MINDY4: variants seen among roughly 807,000 people sequenced by gnomAD.
The protein encoded by MINDY4 is probable ubiquitin carboxyl-terminal hydrolase MINDY-4.
In MINDY4, 68 loss-of-function variants were observed where a neutral mutation model predicts 87.0. That is an observed-to-expected ratio of 0.78 (90% confidence interval 0.64 to 0.96). The LOEUF (loss-of-function observed/expected upper bound fraction) is 0.96. Among genes scored for constraint, MINDY4 ranks in the 40% least tolerant of loss-of-function variants. MINDY4 has a pLI of 0.00. For synonymous variants in MINDY4, 379 were observed against 363.2 expected, an observed-to-expected ratio of 1.04 and a Z score of -0.50; for missense variants, 919 against 928.2, an observed-to-expected ratio of 0.99 and a Z score of 0.13.
intron 5 of MINDY4, among the ~76,000 whole-genome samples, chr7:30,808,323 C>T (rs112580881): frequency 0.038 from 5,837 of 152,176 alleles, 148 homozygotes; most frequent in Middle Eastern, 0.099. Flanking sequence ...ATACCTATAC[C>T]GGCACTTTGG....
intron 13 of MINDY4, among the ~76,000 whole-genome samples, chr7:30,870,989 C>T (rs1345041155): frequency 6.6e-6 from 1 of 151,698 alleles, no homozygotes; most frequent in Non-Finnish European, 1.5e-5. Context: ...TAATGTGTGC[C>T]CCCCAGGGTC....
intron 5 of MINDY4, among the ~76,000 whole-genome samples, chr7:30,799,722 G>T (rs1787592234): frequency 6.6e-6 from 1 of 152,232 alleles, no homozygotes; most frequent in Non-Finnish European, 1.5e-5. Context: ...AGCTTTTTAG[G>T]TGATGTCATG....
At position 30,867,272 on chromosome 7, in the gene MINDY4, T is replaced by A. The variant is rs146095391; in HGVS notation, c.1746-4971T>A. ...CAGATATTCACAGCTCCATTTCAAC[T>A]GCTCGGAGGTCTCGGTTTAATCTGG... On this transcript the variant is annotated intron_variant, in intron 13 of 17. Transcript: ENST00000265299. Among the ~76,000 whole-genome samples, 198 of 152,360 alleles carry A rather than the reference T, an allele frequency of 1.3e-3. 2 individuals carry two copies. Among genetic ancestry groups the A allele is most frequent in the African/African-American group, 4.7e-3 (194 of 41,584 alleles).
At chr7:30,881,748 A>C (rs533163338) in intron 15 of MINDY4, among the ~76,000 whole-genome samples, 2 of 152,310 alleles carry the variant, frequency 1.3e-5, no homozygotes, top group South Asian at 4.1e-4. Context: ...AACGGTAAGC[A>C]AGCTCTAGGC....
intron 5 of MINDY4, among the ~76,000 whole-genome samples, chr7:30,816,291 C>T (rs919075938): frequency 6.9e-6 from 1 of 144,842 alleles, no homozygotes; most frequent in African/African-American, 2.7e-5. Flanking sequence ...ACTTCTGAGT[C>T]TGAGACTGTG....
Position 30,872,223 on chromosome 7 carries a change from A to G in MINDY4, c.1746-20A>G, listed in dbSNP as rs754806093. 3.7e-6 allele frequency: 6 copies of G among 1,613,706 alleles called. No homozygotes were observed. The highest frequency in any genetic ancestry group is 1.1e-5 in the South Asian group (1 of 90,992). On this transcript the variant is annotated intron_variant, in intron 13 of 17. Transcript: ENST00000265299. ...TGGGTCAGGCAGAGCTGTGCTAACA[A>G]TGCTTCTTGTGTTTTCCAGCATCCG... is the stretch of plus-strand genomic sequence containing the variant.
intron 14 of MINDY4, 139 bp downstream of exon 14, chr7:30,872,445 C>T (rs775491270): frequency 9.2e-5 from 67 of 729,162 alleles, no homozygotes; most frequent in Admixed American, 1.2e-4. Flanking sequence ...GCAGCTTTCA[C>T]GTGCCCACCT....
intron 17 of MINDY4, 27 bp from the exon 18 acceptor site, chr7:30,891,926 CTCTT>C: frequency 6.2e-7 from 1 of 1,613,154 alleles, no homozygotes; most frequent in Non-Finnish European, 8.5e-7. Flanking sequence ...AGCTTGATCT[CTCTT>C]TGTCTCTCTC....
At chr7:30,882,102 T>C in intron 15 of MINDY4, 79 bp from the exon 16 acceptor site, 1 of 1,402,426 alleles carries the variant, frequency 7.1e-7, no homozygotes. Context: ...AGGTCAGCCC[T>C]GCCTTGAGTC....
At chr7:30,877,961 T>TGAGC (rs1304692057) in intron 15 of MINDY4, among the ~76,000 whole-genome samples, 1 of 149,904 alleles carries the variant, frequency 6.7e-6, no homozygotes, top group Non-Finnish European at 1.5e-5. Flanking sequence ...GTTACAGGTG[T>TGAGC]GAGCCACTGC....
At chr7:30,772,412 C>G (rs758422481) in intron 1 of MINDY4, among the ~76,000 whole-genome samples, 1 of 152,190 alleles carries the variant, frequency 6.6e-6, no homozygotes, top group Non-Finnish European at 1.5e-5. Context: ...TACTAGTTTG[C>G]AGTGTGAACC....
intron 9 of MINDY4, among the ~76,000 whole-genome samples, chr7:30,849,407 A>C (rs1789326478): frequency 6.6e-6 from 1 of 152,192 alleles, no homozygotes; most frequent in South Asian, 2.1e-4. Context: ...AGAAGCCTAG[A>C]AGTACACCTC....
rs115906839 is a variant in MINDY4 at position 30,852,171 on chromosome 7, C to T, written c.1548-45C>T. On this transcript the variant is annotated intron_variant, in intron 10 of 17. Transcript: ENST00000265299. Reference sequence around the variant, plus strand: ...GTTTCGCCCCGGCTGGAGGGCACGCCTTCTCTCCACTCAGAGGACTCATGC... The same window carrying T: ...GTTTCGCCCCGGCTGGAGGGCACGCTTTCTCTCCACTCAGAGGACTCATGC... The T allele has an allele frequency of 5.9e-4, 945 of 1,611,754 alleles. 2 individuals are homozygous for T. In the African/African-American group the frequency reaches 0.011, roughly 19 times the overall value.
chr7:30,881,592 C>A (rs746734933), intron 15 of MINDY4, among the ~76,000 whole-genome samples: 3 of 152,196 alleles, frequency 2.0e-5, no homozygotes, highest in Non-Finnish European at 2.9e-5. Context: ...ACCCCGGGCT[C>A]CTGGAACTTA....
intron 5 of MINDY4, among the ~76,000 whole-genome samples, chr7:30,800,927 C>T (rs1787629575): frequency 1.3e-5 from 2 of 152,222 alleles, no homozygotes; most frequent in Admixed American, 1.3e-4. Context: ...CCAACCCCAG[C>T]GATTTAGTCT....
At chr7:30,808,281 T>C (rs564152180) in intron 5 of MINDY4, among the ~76,000 whole-genome samples, 59 of 152,300 alleles carry the variant, frequency 3.9e-4, no homozygotes, top group African/African-American at 1.4e-3. Flanking sequence ...CCCACTCCAT[T>C]TGAGTGGAAG....
At chr7:30,817,424 A>G (rs1310501829) in intron 5 of MINDY4, among the ~76,000 whole-genome samples, 1 of 81,886 alleles carries the variant, frequency 1.2e-5, no homozygotes, top group East Asian at 3.8e-4. Context: ...TAGTCTTTTT[A>G]TATCAACTTG....
At chr7:30,802,970 A>G (rs747046823) in intron 5 of MINDY4, 1 of 152,024 alleles carries the variant, frequency 6.6e-6, no homozygotes, top group Non-Finnish European at 1.5e-5. Flanking sequence ...AACCTAACCA[A>G]CCCGGCCAAC....
In MINDY4 at chr7:30,771,453, G is replaced by T. The variant is rs779967870; in HGVS notation, c.-41G>T. ...GACAGACCCAGTTGCCTGGTGCTGCGGCCCGGCGTGGGCCTCGTGGGCAGA... is the reference window on the plus strand; with the variant it reads ...GACAGACCCAGTTGCCTGGTGCTGCTGCCCGGCGTGGGCCTCGTGGGCAGA... On this transcript the variant is annotated 5_prime_UTR_variant, in exon 1 of 18. Transcript: ENST00000265299. 7 of 1,583,876 alleles carry T rather than the reference G, an allele frequency of 4.4e-6. No homozygotes were observed. The highest frequency in any genetic ancestry group is 1.8e-5 in the Admixed American group (1 of 54,276).
Sources: gnomAD v4.1 joint callset for allele counts (sites outside exome capture counted in the v4.1 genomes callset) on GRCh38, gnomAD v4.1.1 for gene constraint, MANE v1.5 for transcripts, NCBI Gene and HGNC (gene_info 2026-07-23, HGNC 2026-07-21) for gene names.